TIAM1: variants seen among roughly 807,000 people sequenced by gnomAD.
The protein encoded by TIAM1 is rho guanine nucleotide exchange factor TIAM1.
Under a neutral mutation model 163.5 loss-of-function variants are expected in TIAM1, and 65 were observed. The ratio of observed to expected loss-of-function variants is 0.40; its 90% CI spans 0.33 to 0.49. The LOEUF (loss-of-function observed/expected upper bound fraction) is 0.49. Ranked by LOEUF, TIAM1 falls within the 20% of genes least tolerant of loss-of-function variation. TIAM1 has a pLI of 0.77. For missense variants in TIAM1, 1,789 were observed against 2,044.7 expected, an observed-to-expected ratio of 0.87 and a Z score of 2.41; for synonymous variants, 833 against 810.1, an observed-to-expected ratio of 1.03 and a Z score of -0.48.
chr21:31,256,628 C>CACACACAT (rs60297294), intron 4 of TIAM1, among the ~76,000 whole-genome samples: 26 of 146,890 alleles, frequency 1.8e-4, no homozygotes, highest in Non-Finnish European at 3.1e-4. Flanking sequence ...CACACACACA[C>CACACACAT]GTATATTATC....
intron 2 of TIAM1, among the ~76,000 whole-genome samples, chr21:31,277,398 C>A (rs2073344624): frequency 6.6e-6 from 1 of 152,218 alleles, no homozygotes; most frequent in South Asian, 2.1e-4. Context: ...GTAATCCCAG[C>A]ACTTTGGGAG....
chr21:31,553,152 A>G (rs1277058285), intron 1 of TIAM1, among the ~76,000 whole-genome samples: 2 of 152,198 alleles, frequency 1.3e-5, no homozygotes, highest in Non-Finnish European at 2.9e-5. Flanking sequence ...AAAGTGGGTC[A>G]TTTTTGAGCA....
intron 2 of TIAM1, among the ~76,000 whole-genome samples, chr21:31,383,570 T>C (rs1004678079): frequency 3.3e-5 from 5 of 152,148 alleles, no homozygotes; most frequent in African/African-American, 1.2e-4. Flanking sequence ...TACTGGCTTG[T>C]CCACCAACAC....
intron 1 of TIAM1, among the ~76,000 whole-genome samples, chr21:31,470,001 ATTTT>A (rs540154867): frequency 0.22 from 29,685 of 136,686 alleles, 3,323 homozygotes; most frequent in Non-Finnish European, 0.26. Context: ...AAAACCTTGA[ATTTT>A]TTTTTTTTTT....
At chr21:31,171,935 C>A (rs1361944301) in intron 15 of TIAM1, among the ~76,000 whole-genome samples, 1 of 152,154 alleles carries the variant, frequency 6.6e-6, no homozygotes. Flanking sequence ...CCCTCCAGCC[C>A]CAGTCAGACC....
Position 31,252,026 on chromosome 21 carries a change from C to G in TIAM1, c.1127G>C (p.Gly376Ala), listed in dbSNP as rs781397305. 35 of 1,613,972 alleles carry G rather than the reference C, an allele frequency of 2.2e-5. No individual in the cohort carries two copies. The highest frequency in any genetic ancestry group is 2.6e-5 in the Non-Finnish European group (31 of 1,180,036). ...VGSDSGSSSTGDAARQGVYEN... is the reference protein window; with the variant it reads ...VGSDSGSSSTADAARQGVYEN... ...GTACACCCCCTGACGAGCCGCATCC[C>G]CGGTGGAGCTGCTGCCGCTGTCGCT... is the stretch of plus-strand genomic sequence containing the variant. Residue 376 changes from glycine to alanine, a missense_variant, in exon 5 of 28, where the codon GGG becomes GCG. Gly to Ala is a moderately conservative substitution (Grantham distance 60, BLOSUM62 0). Coordinates refer to ENST00000541036, the MANE Select transcript of TIAM1 (RefSeq NM_001353694.2).
intron 2 of TIAM1, among the ~76,000 whole-genome samples, chr21:31,384,629 C>T (rs2147181652): frequency 6.6e-6 from 1 of 152,170 alleles, no homozygotes; most frequent in South Asian, 2.1e-4. Flanking sequence ...TCTGTATCGT[C>T]TCTTGTACTT....
rs536941616 is a variant in TIAM1 at position 31,156,467 on chromosome 21, A to G, written c.2992-2041T>C. On this transcript the variant is annotated intron_variant, in intron 16 of 27. Coordinates refer to ENST00000541036, the MANE Select transcript of TIAM1 (RefSeq NM_001353694.2). ...CTCTATGGTATGTAAATTATATCTC[A>G]ACAAGGCTGTTAGAAAAGAAAAACT... 3.1e-3 allele frequency among the ~76,000 whole-genome samples: 478 copies of G among 152,302 alleles called. 4 individuals carry two copies. Among genetic ancestry groups the G allele is most frequent in the African/African-American group, 0.011 (463 of 41,574 alleles).
chr21:31,528,991 A>G lies in TIAM1; in HGVS notation c.-422+29936T>C, dbSNP rs1259759417. 2.8e-5 allele frequency among the ~76,000 whole-genome samples: 4 copies of G among 145,158 alleles called. No individual in the cohort carries two copies. In the East Asian group the frequency reaches 6.4e-4, roughly 23 times the overall value. ...GGCTGGAGTGCAGTGGCGCGATCTC[A>G]GCTCACTACAAGCTCCGCCTCCCGG... On this transcript the variant is annotated intron_variant, in intron 1 of 28. Transcript: ENST00000286827.
Position 31,429,869 on chromosome 21 carries a change from G to C in TIAM1, c.-369+34114C>G, listed in dbSNP as rs1053018571. Among the ~76,000 whole-genome samples, 21 of 152,104 alleles carry C rather than the reference G, an allele frequency of 1.4e-4. 1 individual carries two copies. The highest frequency in any genetic ancestry group is 7.9e-4 in the Admixed American group (12 of 15,272). On this transcript the variant is annotated intron_variant, in intron 2 of 28. Transcript: ENST00000286827. Reference sequence around the variant, plus strand: ...TTCTTCTGGACTCCTGGCCCAGCCAGAGGCAGAGACAACAGTCTTCCACAG... The same window carrying C: ...TTCTTCTGGACTCCTGGCCCAGCCACAGGCAGAGACAACAGTCTTCCACAG...
chr21:31,507,755 G>A (rs1238273004), intron 1 of TIAM1, among the ~76,000 whole-genome samples: 1 of 152,136 alleles, frequency 6.6e-6, no homozygotes, highest in Admixed American at 6.5e-5. Context: ...ACAGACAACA[G>A]TGAAACTGAC....
chr21:31,513,757 C>T (rs1213305193), intron 1 of TIAM1, among the ~76,000 whole-genome samples: 1 of 152,154 alleles, frequency 6.6e-6, no homozygotes, highest in Non-Finnish European at 1.5e-5. Flanking sequence ...CCTGTAATTC[C>T]AGCACTTTGG....
intron 3 of TIAM1, among the ~76,000 whole-genome samples, chr21:31,272,202 TAA>T (rs1255989157): frequency 2.6e-5 from 4 of 152,208 alleles, no homozygotes; most frequent in Non-Finnish European, 5.9e-5. Context: ...TTATTTATAA[TAA>T]GTGTTGAATA....
chr21:31,546,142 G>A (rs1300372358), intron 1 of TIAM1, among the ~76,000 whole-genome samples: 1 of 150,812 alleles, frequency 6.6e-6, no homozygotes, highest in Admixed American at 6.6e-5. Context: ...ATTTATAATG[G>A]GTATTCTGGC....
Position 31,182,497 on chromosome 21 carries a change from C to T in TIAM1, c.2811G>A (p.Leu937=). The part of the protein sequence containing the change: ...YPELEEGVEL[L]ESPPHRVDGP... ...CGTCCACTCGGTGGGGCGGGCTTTC[C>T]AGCAGCTCCACTCCTTCCTCCAGCT... The change falls in exon 15 of 28, where the codon CTG becomes CTA. Residue 937 remains leucine (L), a synonymous_variant. Transcript: ENST00000541036. 1 of 1,612,262 alleles carries T rather than the reference C, an allele frequency of 6.2e-7. No homozygotes were observed.
rs530305729 is a variant in TIAM1, at chr21:31,121,641, ATCAGTGCC to A, written c.4307-812_4307-805del. 1.2e-3 allele frequency among the ~76,000 whole-genome samples: 186 copies of A among 152,328 alleles called. 2 individuals are homozygous for A. Among genetic ancestry groups the A allele is most frequent in the Middle Eastern group, 0.01 (3 of 294 alleles). On this transcript the variant is annotated intron_variant, in intron 27 of 27. Coordinates refer to ENST00000541036, the MANE Select transcript of TIAM1 (RefSeq NM_001353694.2). ...CATTCTTCTCCAAAGCAATTAACAT[ATCAGTGCC>A]TCATTGGAATGAGAAATAAAAAACC...
At chr21:31,414,932 A>G (rs577518964) in intron 2 of TIAM1, among the ~76,000 whole-genome samples, 1 of 152,342 alleles carries the variant, frequency 6.6e-6, no homozygotes, top group South Asian at 2.1e-4. Context: ...TCCAAGGAAC[A>G]TTCTCACAAA....
intron 1 of TIAM1, among the ~76,000 whole-genome samples, chr21:31,550,674 A>G (rs2048654377): frequency 6.6e-6 from 1 of 152,218 alleles, no homozygotes; most frequent in African/African-American, 2.4e-5. Flanking sequence ...CAATCTATAG[A>G]GAAAACCTAG....
chr21:31,527,392 A>G (rs1188186902), intron 1 of TIAM1, among the ~76,000 whole-genome samples: 1 of 152,188 alleles, frequency 6.6e-6, no homozygotes, highest in East Asian at 1.9e-4. Context: ...TCAACTTTGC[A>G]GGAAAGTTCT....
Sources: allele counts gnomAD v4.1 joint callset (sites outside exome capture counted in the v4.1 genomes callset), GRCh38; gene constraint gnomAD v4.1.1; transcripts MANE v1.5; gene names NCBI Gene and HGNC (gene_info 2026-07-23, HGNC 2026-07-21).